The following TUBB6 variants were observed in gnomAD, a reference collection of about 807,000 sequenced individuals.
The protein encoded by TUBB6 is tubulin beta-6 chain.
TUBB6 carries 18 observed loss-of-function variants against 32.3 expected under a neutral mutation model. That is an observed-to-expected ratio of 0.56 (90% CI 0.39 to 0.83). TUBB6 has a LOEUF of 0.83. Ranked by LOEUF, TUBB6 falls within the 40% of genes least tolerant of loss-of-function variation. The pLI, the probability that TUBB6 is intolerant of heterozygous loss-of-function variation, is 0.00. For synonymous variants in TUBB6, 280 were observed against 265.8 expected (o/e 1.05, Z -0.52); for missense variants, 480 against 632.0 (o/e 0.76, Z 2.58).
intron 3 of TUBB6, among the ~76,000 whole-genome samples, chr18:12,320,273 C>CCTGA (rs1555668299): frequency 1.3e-5 from 2 of 151,780 alleles, no homozygotes; most frequent in Non-Finnish European, 2.9e-5. Flanking sequence ...TTAATATTCA[C>CCTGA]TTATCATAAA....
intron 2 of TUBB6, among the ~76,000 whole-genome samples, chr18:12,309,966 C>T (rs1235434770): frequency 1.1e-5 from 1 of 90,840 alleles, no homozygotes. Flanking sequence ...TTCATCCAAA[C>T]CTGGCAATTT....
intron 1 of TUBB6, 30 bp downstream of exon 1, chr18:12,308,379 G>T (rs1343997794): frequency 7.4e-7 from 1 of 1,356,492 alleles, no homozygotes; most frequent in East Asian, 3.2e-5. Flanking sequence ...GGGCCTCTCC[G>T]CGGGTCGGCT....
downstream of TUBB6, among the ~76,000 whole-genome samples, chr18:12,326,957 G>C (rs1010697289): frequency 2.8e-4 from 43 of 152,288 alleles, no homozygotes; most frequent in African/African-American, 1.0e-3. Context: ...TGGAAGGGAT[G>C]GGCCCTTTTC....
At position 12,308,303 on chromosome 18, in the gene TUBB6, T is replaced by C; in HGVS notation, c.11T>C (p.Ile4Thr). 1.4e-6 allele frequency: 2 copies of C among 1,478,372 alleles called. No homozygotes were observed. Among genetic ancestry groups the C allele is most frequent in the Non-Finnish European group, 1.8e-6 (2 of 1,109,714 alleles). The allele number at this position is 1,478,372 out of a possible 1,614,324, so 91.6% of individuals were successfully genotyped here. Residue 4 changes from isoleucine to threonine, a missense_variant, in exon 1 of 4, where the codon ATC (isoleucine) becomes ACC (threonine). Coordinates refer to ENST00000317702, the MANE Select transcript of TUBB6 (RefSeq NM_032525.3). The part of the protein sequence containing the change: MRE[I>T]VHIQAGQCGN... ...AGAGCCGCGCCCGCCATGAGGGAGA[T>C]CGTGCACATCCAGGCGGGCCAGTGC...
At chr18:12,327,079 C>A (rs374249280), downstream of TUBB6, among the ~76,000 whole-genome samples, 250 of 152,338 alleles carry the variant, frequency 1.6e-3, no homozygotes, top group African/African-American at 5.0e-3. Context: ...TGGTACAGAC[C>A]TCACTGTTGA....
At chr18:12,328,993 C>T, downstream of TUBB6, 1 of 586,992 alleles carries the variant, frequency 1.7e-6, no homozygotes, top group Non-Finnish European at 3.0e-6. Flanking sequence ...TGTAAAGAAG[C>T]CATATTTACA....
chr18:12,325,245 C>T lies in TUBB6; in HGVS notation c.456C>T (p.Ile152=), dbSNP rs1907219618. The change falls in exon 4 of 4, where the codon ATC becomes ATT. Residue 152 remains isoleucine, a synonymous_variant. Coordinates refer to ENST00000317702, the MANE Select transcript of TUBB6 (RefSeq NM_032525.3). The part of the protein sequence containing the change: ...GTGSGMGTLL[I]SKIREEFPDR... ...GCTCAGGCATGGGCACGCTGCTCATCAGCAAGATCCGTGAGGAGTTCCCGG... is the reference window on the plus strand; with the variant it reads ...GCTCAGGCATGGGCACGCTGCTCATTAGCAAGATCCGTGAGGAGTTCCCGG... The T allele has an allele frequency of 6.2e-7, 1 of 1,614,216 alleles. No individual in the cohort carries two copies. The highest frequency in any genetic ancestry group is 8.5e-7 in the Non-Finnish European group (1 of 1,180,038).
chr18:12,324,293 C>T (rs1361930316), intron 3 of TUBB6, among the ~76,000 whole-genome samples: 1 of 152,014 alleles, frequency 6.6e-6, no homozygotes, highest in African/African-American at 2.4e-5. Context: ...TGGCGTGAAC[C>T]CAGGAGGCGG....
downstream of TUBB6, among the ~76,000 whole-genome samples, chr18:12,327,729 A>T (rs1351512253): frequency 6.6e-6 from 1 of 152,094 alleles, no homozygotes; most frequent in African/African-American, 2.4e-5. Flanking sequence ...CAGGGCCCAG[A>T]GCTTAAGGTT....
At position 12,322,011 on chromosome 18, in the gene TUBB6, G is replaced by C. The variant is rs956600908; in HGVS notation, c.278-3056G>C. ...TTCCAATTCTGCTTTCTTCAACATT[G>C]AGTTGTTGGCCAGGTGCGGTGGCTC... On this transcript the variant is annotated intron_variant, in intron 3 of 3. Transcript: ENST00000317702. Among the ~76,000 whole-genome samples, 73 of 152,104 alleles carry C rather than the reference G, an allele frequency of 4.8e-4. 4 individuals carry two copies. Among genetic ancestry groups the C allele is most frequent in the Non-Finnish European group, 7.4e-5 (5 of 68,020 alleles).
At chr18:12,329,582 C>T, downstream of TUBB6, 1 of 1,614,014 alleles carries the variant, frequency 6.2e-7, no homozygotes, top group Non-Finnish European at 8.5e-7. Context: ...GCAACTTTCT[C>T]ACCCGGGGGC....
In TUBB6 at chr18:12,325,764, G is replaced by A. The variant is rs149129548; in HGVS notation, c.975G>A (p.Glu325=). 1.2e-6 allele frequency: 2 copies of A among 1,614,132 alleles called. No individual in the cohort carries two copies. The highest frequency in any genetic ancestry group is 2.2e-5 in the East Asian group (1 of 44,890). Residue 325 remains glutamate (E), a synonymous_variant, in exon 4 of 4, where the codon GAG becomes GAA. Coordinates refer to ENST00000317702, the MANE Select transcript of TUBB6 (RefSeq NM_032525.3). ...TVFRGPMSMK[E]VDEQMLAIQS... is the part of the protein sequence containing the mutation. ...TCCGCGGGCCCATGTCCATGAAGGA[G>A]GTGGACGAGCAGATGCTGGCCATCC...
chr18:12,317,594 T>C (rs1382014036), intron 3 of TUBB6, among the ~76,000 whole-genome samples: 2 of 152,254 alleles, frequency 1.3e-5, no homozygotes, highest in Non-Finnish European at 2.9e-5. Context: ...TTCCAGCCTC[T>C]TTCTGTATTT....
At chr18:12,319,850 G>A (rs1337675917) in intron 3 of TUBB6, among the ~76,000 whole-genome samples, 6 of 151,698 alleles carry the variant, frequency 4.0e-5, no homozygotes, top group African/African-American at 1.2e-4. Context: ...GCAGTGGTGC[G>A]ATCTTAGCTC....
chr18:12,319,099 G>A (rs554781070), intron 3 of TUBB6, among the ~76,000 whole-genome samples: 4 of 151,138 alleles, frequency 2.6e-5, no homozygotes. Context: ...TGTGTAGACA[G>A]TTGTGCTGTG....
intron 3 of TUBB6, chr18:12,324,784 C>A (rs1245178898): frequency 7.7e-7 from 1 of 1,294,382 alleles, no homozygotes; most frequent in East Asian, 2.8e-5. Context: ...ACCTTTTGTT[C>A]CCTTTGAATT....
rs777748559 is a variant in TUBB6 at position 12,325,779 on chromosome 18, G to A, written c.990G>A (p.Met330Ile). 2 of 1,614,252 alleles carry A rather than the reference G, an allele frequency of 1.2e-6. No individual in the cohort carries two copies. The highest frequency in any genetic ancestry group is 3.3e-5 in the Admixed American group (2 of 60,034). Residue 330 changes from methionine (M) to isoleucine (I), a missense_variant, in exon 4 of 4, where the codon ATG (methionine) becomes ATA (isoleucine). Met to Ile is a conservative substitution (Grantham distance 10). Coordinates refer to ENST00000317702, the MANE Select transcript of TUBB6 (RefSeq NM_032525.3). ...CCATGAAGGAGGTGGACGAGCAGAT[G>A]CTGGCCATCCAGAGTAAGAACAGCA... ...PMSMKEVDEQ[M>I]LAIQSKNSSY...
intron 3 of TUBB6, among the ~76,000 whole-genome samples, chr18:12,317,830 A>G (rs1906755951): frequency 6.6e-6 from 1 of 152,244 alleles, no homozygotes; most frequent in African/African-American, 2.4e-5. Flanking sequence ...GAAGATGTTC[A>G]GTTCACAACT....
intron 3 of TUBB6, among the ~76,000 whole-genome samples, chr18:12,314,458 G>A (rs1906561747): frequency 6.6e-6 from 1 of 152,074 alleles, no homozygotes. Flanking sequence ...CACAATTCAT[G>A]TATTTCCAAC....
Sources: gnomAD v4.1 joint callset for allele counts (sites outside exome capture counted in the v4.1 genomes callset) on GRCh38, gnomAD v4.1.1 for gene constraint, MANE v1.5 for transcripts, NCBI Gene and HGNC (gene_info 2026-07-23, HGNC 2026-07-21) for gene names.